Variants in MYO16 observed in about 807,000 individuals in gnomAD.
MYO16 encodes myosin XVI, also known as unconventional myosin-XVI.
Under a neutral mutation model 205.3 loss-of-function variants are expected in MYO16, and 94 were observed. The observed-to-expected ratio is 0.46, with a 90% CI of 0.39 to 0.54. The LOEUF is 0.54. Ranked by LOEUF, MYO16 falls within the 20% of genes least tolerant of loss-of-function variation. The pLI, the probability that MYO16 is intolerant of heterozygous loss-of-function variation, is 0.00. For missense variants in MYO16, 2,315 were observed against 2,387.5 expected (o/e 0.97, Z 0.63); for synonymous variants, 988 against 954.0 (o/e 1.04, Z -0.66).
At chr13:108,557,820 G>T in the MYO16 span, among the ~76,000 whole-genome samples, 1 of 152,064 alleles carries the variant, frequency 6.6e-6, no homozygotes, top group Non-Finnish European at 1.5e-5. Flanking sequence ...AAGGGGTTAT[G>T]CAAATAAAAA....
Position 109,162,181 on chromosome 13 carries a change from G to T in MYO16, c.5165-2720G>T, listed in dbSNP as rs1314056281. Among the ~76,000 whole-genome samples, 3 of 152,172 alleles carry T rather than the reference G, an allele frequency of 2.0e-5. No homozygotes were observed. Among genetic ancestry groups the T allele is most frequent in the Non-Finnish European group, 2.9e-5 (2 of 68,024 alleles). On this transcript the variant is annotated intron_variant, in intron 32 of 34. Transcript: ENST00000457511. This position sits in a 1 kb window ranked among gnomAD's most constrained non-coding sequence, Gnocchi z 4.6. ...GTTTAAACTTTAATTGCAAAAATGA[G>T]AATTTTGGCTGCAATTTAAATACAT...
chr13:108,633,173 A>T (rs1322796217), intron 1 of MYO16, among the ~76,000 whole-genome samples: 1 of 152,168 alleles, frequency 6.6e-6, no homozygotes, highest in African/African-American at 2.4e-5. Context: ...CTGTTACTTT[A>T]TATGTTGTAT....
chr13:108,867,669 A>G (rs1878788403), intron 12 of MYO16, among the ~76,000 whole-genome samples: 1 of 152,206 alleles, frequency 6.6e-6, no homozygotes, highest in African/African-American at 2.4e-5. Flanking sequence ...GAATATGTGT[A>G]TTGACGTATA....
chr13:109,063,858 C>G, intron 27 of MYO16, among the ~76,000 whole-genome samples: 1 of 152,158 alleles, frequency 6.6e-6, no homozygotes, highest in Non-Finnish European at 1.5e-5. Flanking sequence ...TCGTATGTGT[C>G]AATCCCATCA....
At chr13:109,028,678 ATCTT>A (rs1294816886) in intron 23 of MYO16, among the ~76,000 whole-genome samples, 3 of 150,448 alleles carry the variant, frequency 2.0e-5, no homozygotes, top group Non-Finnish European at 4.4e-5. Flanking sequence ...TTGCAAATAC[ATCTT>A]TCTGTGGTGG....
chr13:109,169,085 C>T (rs9583340), intron 33 of MYO16, among the ~76,000 whole-genome samples: 6,080 of 152,248 alleles, frequency 0.04, 146 homozygotes, highest in Middle Eastern at 0.078. Flanking sequence ...CAAGTGTACA[C>T]GTTATTTAGC....
At chr13:108,728,615 C>T (rs2139586498) in intron 4 of MYO16, among the ~76,000 whole-genome samples, 1 of 152,362 alleles carries the variant, frequency 6.6e-6, no homozygotes, top group Non-Finnish European at 1.5e-5. Flanking sequence ...AGCAGCATCA[C>T]TCCAGTCTCT....
At chr13:109,007,022 T>G (rs1885409659) in intron 21 of MYO16, among the ~76,000 whole-genome samples, 3 of 152,102 alleles carry the variant, frequency 2.0e-5, no homozygotes, top group Admixed American at 2.0e-4. Flanking sequence ...AGAAACCGAC[T>G]CAGTCAAATA....
intron 31 of MYO16, among the ~76,000 whole-genome samples, chr13:109,133,951 A>G (rs1326396662): frequency 6.6e-6 from 1 of 152,152 alleles, no homozygotes; most frequent in Non-Finnish European, 1.5e-5. Flanking sequence ...TTCCATTTTA[A>G]TTGTTATGGA....
At chr13:108,590,121 A>G in the MYO16 span, among the ~76,000 whole-genome samples, 2 of 152,162 alleles carry the variant, frequency 1.3e-5, no homozygotes, top group South Asian at 4.1e-4. Context: ...TTTCTTGAAA[A>G]CCATTATCAA....
At chr13:109,161,156 G>A (rs1878363019) in intron 32 of MYO16, among the ~76,000 whole-genome samples, 1 of 152,198 alleles carries the variant, frequency 6.6e-6, no homozygotes, top group Non-Finnish European at 1.5e-5. Context: ...CCCCAAAGTG[G>A]GGATGTCGAT....
At chr13:108,717,284 A>G (rs555752808) in intron 3 of MYO16, among the ~76,000 whole-genome samples, 55 of 152,228 alleles carry the variant, frequency 3.6e-4, no homozygotes, top group South Asian at 3.5e-3. Flanking sequence ...AGTGAATTCT[A>G]GTTGTAACAT....
intron 2 of MYO16, among the ~76,000 whole-genome samples, chr13:108,701,987 C>A (rs1883327067): frequency 6.6e-6 from 1 of 150,678 alleles, no homozygotes; most frequent in Non-Finnish European, 1.5e-5. Context: ...AAAGATAGAT[C>A]AATTAAGATG....
At chr13:109,115,613 A>G (rs1472823277) in intron 28 of MYO16, among the ~76,000 whole-genome samples, 1 of 152,234 alleles carries the variant, frequency 6.6e-6, no homozygotes, top group Non-Finnish European at 1.5e-5. Context: ...TCTAATTTTA[A>G]TGAATCTTAA....
chr13:109,023,096 GTT>G (rs1390768644), intron 23 of MYO16, among the ~76,000 whole-genome samples: 1 of 130,542 alleles, frequency 7.7e-6, no homozygotes, highest in Non-Finnish European at 1.5e-5. Flanking sequence ...ATGTAAATAT[GTT>G]TATATATTGT....
At chr13:109,133,322 G>A (rs1329406781) in intron 31 of MYO16, among the ~76,000 whole-genome samples, 1 of 152,218 alleles carries the variant, frequency 6.6e-6, no homozygotes, top group Admixed American at 6.5e-5. Flanking sequence ...ATGGAGGAGA[G>A]TTACACACGC....
At position 108,806,250 on chromosome 13, in the gene MYO16, A is replaced by G. The variant is rs182266816; in HGVS notation, c.742-429A>G. ...CACATACAGAAGCATCACAATGACC[A>G]CATTTCCTGCTTTTAGTTATTCTTT... On this transcript the variant is annotated intron_variant, in intron 6 of 34. Coordinates refer to ENST00000457511, the MANE Select transcript of MYO16 (RefSeq NM_001198950.3). Among the ~76,000 whole-genome samples, 480 of 152,324 alleles carry G rather than the reference A, an allele frequency of 3.2e-3. 3 individuals are homozygous for G. Among genetic ancestry groups the G allele is most frequent in the African/African-American group, 0.011 (451 of 41,568 alleles).
chr13:108,628,292 CA>C (rs1197347873), upstream of MYO16, among the ~76,000 whole-genome samples: 1 of 152,152 alleles, frequency 6.6e-6, no homozygotes, highest in Non-Finnish European at 1.5e-5. Context: ...ATGAAGGCTG[CA>C]AATCCTCATT....
At chr13:108,603,431 C>T (rs1440823508) in intron 1 of MYO16, among the ~76,000 whole-genome samples, 2 of 152,104 alleles carry the variant, frequency 1.3e-5, no homozygotes, top group Non-Finnish European at 2.9e-5. Context: ...ATATGTTATT[C>T]ATCAATTTCA....
Sources: gnomAD v4.1 joint callset for allele counts (sites outside exome capture counted in the v4.1 genomes callset) on GRCh38, gnomAD v4.1.1 for gene constraint, Gnocchi (gnomAD v3.1) non-coding constraint, MANE v1.5 for transcripts, NCBI Gene and HGNC (gene_info 2026-07-23, HGNC 2026-07-21) for gene names.